Variants in RTN1 observed in about 807,000 individuals in gnomAD.
RTN1 encodes the protein reticulon 1.
In RTN1, 25 loss-of-function variants were observed where a neutral mutation model predicts 65.5. The ratio of observed to expected loss-of-function variants is 0.38; its 90% CI spans 0.28 to 0.53. The LOEUF (loss-of-function observed/expected upper bound fraction) is 0.53. RTN1 is among the 20% of genes least tolerant of loss of function. The pLI, the probability that RTN1 is intolerant of heterozygous loss-of-function variation, is 0.79. For missense variants in RTN1, 983 were observed against 1,025.4 expected, an observed-to-expected ratio of 0.96 and a Z score of 0.57; for synonymous variants, 471 against 447.6, an observed-to-expected ratio of 1.05 and a Z score of -0.66.
intron 1 of RTN1, among the ~76,000 whole-genome samples, chr14:59,819,142 G>T (rs1248098802): frequency 2.0e-5 from 3 of 152,122 alleles, no homozygotes; most frequent in Non-Finnish European, 4.4e-5. Flanking sequence ...GCTGGCTTCA[G>T]AAGTGAAACT....
chr14:59,682,822 G>A (rs973197554), intron 3 of RTN1, among the ~76,000 whole-genome samples: 1 of 152,158 alleles, frequency 6.6e-6, no homozygotes, highest in African/African-American at 2.4e-5. Flanking sequence ...AGGGAATATA[G>A]TTAGTCCCAC....
intron 1 of RTN1, among the ~76,000 whole-genome samples, chr14:59,749,629 AT>A (rs1262491787): frequency 4.1e-5 from 2 of 49,162 alleles, no homozygotes; most frequent in East Asian, 9.0e-4. Context: ...AGATATCTAT[AT>A]ATAGATATCT....
chr14:59,818,740 C>T (rs1886867415), intron 1 of RTN1, among the ~76,000 whole-genome samples: 1 of 152,220 alleles, frequency 6.6e-6, no homozygotes, highest in Admixed American at 6.5e-5. Flanking sequence ...GAATTCTCCA[C>T]ACTCCTTTCC....
intron 1 of RTN1, among the ~76,000 whole-genome samples, chr14:59,838,477 A>G (rs1444572523): frequency 6.6e-6 from 1 of 152,206 alleles, no homozygotes; most frequent in African/African-American, 2.4e-5. Flanking sequence ...AGGCTCAGTA[A>G]TATGAAACTT....
intron 3 of RTN1, chr14:59,630,434 T>TA (rs1381357549): frequency 1.3e-5 from 21 of 1,613,024 alleles, no homozygotes; most frequent in Non-Finnish European, 1.6e-5. Context: ...ACTACTGAAA[T>TA]AAAGAGAATA....
intron 3 of RTN1, among the ~76,000 whole-genome samples, chr14:59,664,274 A>T (rs980700511): frequency 1.3e-5 from 2 of 152,132 alleles, no homozygotes; most frequent in African/African-American, 4.8e-5. Flanking sequence ...CGATGAGAAC[A>T]CATGGACACA....
intron 2 of RTN1, among the ~76,000 whole-genome samples, chr14:59,730,480 A>C (rs888232011): frequency 1.3e-5 from 2 of 152,238 alleles, no homozygotes; most frequent in African/African-American, 4.8e-5. Flanking sequence ...TTTCAGAGAT[A>C]TGACACCAAA....
chr14:59,662,364 A>C lies in RTN1; in HGVS notation c.1766-54872T>G, dbSNP rs964647346. Among the ~76,000 whole-genome samples, 3 of 132,808 alleles carry C rather than the reference A, an allele frequency of 2.3e-5. No individual in the cohort carries two copies. The Admixed American group carries it at 2.6e-4, about 12-fold the overall frequency. 87.1% of individuals were successfully genotyped at this position (132,808 alleles called of 152,430 possible). On this transcript the variant is annotated intron_variant, in intron 3 of 8. Coordinates refer to ENST00000267484, the MANE Select transcript of RTN1 (RefSeq NM_021136.3). ...TGTGATGTCCCCCTTCCTGTGTCCA[A>C]GTGTTCTCATTGTTCAATTCCCACC...
intron 3 of RTN1, among the ~76,000 whole-genome samples, chr14:59,712,058 A>G (rs1411194999): frequency 1.3e-5 from 2 of 152,196 alleles, no homozygotes; most frequent in Non-Finnish European, 2.9e-5. Flanking sequence ...TGAATAAAGG[A>G]AAGCCTCCAC....
At chr14:59,797,807 T>C (rs754472178) in intron 1 of RTN1, among the ~76,000 whole-genome samples, 6 of 152,194 alleles carry the variant, frequency 3.9e-5, no homozygotes, top group Admixed American at 1.3e-4. Flanking sequence ...GTTAACACTA[T>C]TGAGGAATAG....
rs766291882 is a variant in RTN1, at chr14:59,745,912, G to C, written c.811C>G (p.Gln271Glu). ...GTGGTGATCTGAGGAGCCCTGCGCT[G>C]TTCTTCAGAGAGATCATCTATGTAT... is the stretch of plus-strand genomic sequence containing the variant. ...APYIDDLSEE[Q>E]RRAPQITTPV... is the part of the protein sequence containing the mutation. The change falls in exon 2 of 9, where the codon CAG becomes GAG. Residue 271 changes from glutamine (Q) to glutamate (E), a missense_variant. Gln to Glu is a conservative substitution (Grantham distance 29, BLOSUM62 2). Around this residue, in one of 2 missense-constraint regions of RTN1, gnomAD observed 818 missense variants for 801.8 expected, o/e 1.02. Transcript: ENST00000267484. 6.2e-7 allele frequency: 1 copy of C among 1,614,044 alleles called. No homozygotes were observed. Among genetic ancestry groups the C allele is most frequent in the East Asian group, 2.2e-5 (1 of 44,888 alleles).
intron 3 of RTN1, among the ~76,000 whole-genome samples, chr14:59,661,746 C>G (rs1420119620): frequency 6.6e-6 from 1 of 152,136 alleles, no homozygotes; most frequent in African/African-American, 2.4e-5. Flanking sequence ...ACTGAAGGAA[C>G]GTACCTCAAA....
At position 59,727,003 on chromosome 14, in the gene RTN1, T is replaced by C. The variant is rs1371471989; in HGVS notation, c.1681A>G (p.Asn561Asp). 1 of 1,613,532 alleles carries C rather than the reference T, an allele frequency of 6.2e-7. No homozygotes were observed. The highest frequency in any genetic ancestry group is 8.5e-7 in the Non-Finnish European group (1 of 1,179,760). ...PRKPEEDSSSNQSPAATKGPG... is the reference protein window; with the variant it reads ...PRKPEEDSSSDQSPAATKGPG... The stretch of plus-strand genomic sequence containing the variant: ...CCCTTTGTGGCCGCAGGACTTTGGT[T>C]GGAACTCGAGTCTTCTTCAGGCTTC... Residue 561 changes from asparagine (N) to aspartate (D), a missense_variant, in exon 3 of 9, where the codon AAC (asparagine) becomes GAC (aspartate). Asn to Asp is a conservative substitution (Grantham distance 23). Coordinates refer to ENST00000267484, the MANE Select transcript of RTN1 (RefSeq NM_021136.3). This position sits in a 1 kb window ranked among gnomAD's most constrained non-coding sequence, Gnocchi z 4.2.
chr14:59,788,998 T>C (rs1226543478), intron 1 of RTN1, among the ~76,000 whole-genome samples: 6 of 152,100 alleles, frequency 3.9e-5, no homozygotes, highest in South Asian at 4.1e-4. Context: ...TTTGGTAGAT[T>C]TTCAATTTTT....
chr14:59,610,245 A>G (rs1258933214), intron 3 of RTN1: 1 of 691,392 alleles, frequency 1.4e-6, no homozygotes, highest in Non-Finnish European at 2.7e-6. Context: ...GTGGGCAGAA[A>G]GCATTAGCTA....
chr14:59,844,564 T>C (rs1245326089), intron 1 of RTN1, among the ~76,000 whole-genome samples: 2 of 152,104 alleles, frequency 1.3e-5, no homozygotes, highest in African/African-American at 4.8e-5. Context: ...AGTAGAATGG[T>C]GGTTTGGTTG....
At chr14:59,666,681 T>C (rs914648308) in intron 3 of RTN1, among the ~76,000 whole-genome samples, 2 of 151,538 alleles carry the variant, frequency 1.3e-5, no homozygotes, top group African/African-American at 4.9e-5. Context: ...ATCAACAAAA[T>C]TGATAGACCG....
chr14:59,608,827 G>A (rs1484618535), intron 3 of RTN1, among the ~76,000 whole-genome samples: 1 of 152,144 alleles, frequency 6.6e-6, no homozygotes, highest in Non-Finnish European at 1.5e-5. Flanking sequence ...AGGCTCACAA[G>A]CATGTTTTGG....
rs1343771251 is a variant in RTN1 at position 59,868,372 on chromosome 14, GTTTGA to G, written c.241+2013_241+2017del. On this transcript the variant is annotated intron_variant, in intron 1 of 8. Transcript: ENST00000267484. This position sits in a 1 kb window ranked among gnomAD's most constrained non-coding sequence, Gnocchi z 4.0. ...TTCTCCCATCCAAACGTAGTATCAT[GTTTGA>G]TTTTATTACTATATTTGTTGCCTAG... Among the ~76,000 whole-genome samples, 3 of 152,072 alleles carry G rather than the reference GTTTGA, an allele frequency of 2.0e-5. No individual in the cohort carries two copies. Among genetic ancestry groups the G allele is most frequent in the African/African-American group, 7.2e-5 (3 of 41,404 alleles).
Sources: gnomAD v4.1 joint callset for allele counts (sites outside exome capture counted in the v4.1 genomes callset) on GRCh38, gnomAD v4.1.1 for gene constraint, gnomAD v4.1.1 regional missense constraint, Gnocchi (gnomAD v3.1) non-coding constraint, MANE v1.5 for transcripts, NCBI Gene and HGNC (gene_info 2026-07-23, HGNC 2026-07-21) for gene names.